TMEM69: variants seen among roughly 807,000 people sequenced by gnomAD.
The protein encoded by TMEM69 is transmembrane protein 69.
In TMEM69, 17 loss-of-function variants were observed where a neutral mutation model predicts 15.8. The ratio of observed to expected loss-of-function variants is 1.07; its 90% CI spans 0.73 to 1.61. TMEM69 has a LOEUF of 1.61. Ranked by LOEUF, TMEM69 falls within the 40% of genes most tolerant of loss-of-function variation. The probability of loss-of-function intolerance (pLI) is 0.00; values close to 1 mark genes in which losing one functional copy is unlikely to be tolerated. For synonymous variants in TMEM69, 80 were observed against 98.6 expected (o/e 0.81, Z 1.12); for missense variants, 230 against 286.1 (o/e 0.80, Z 1.41).
intron 1 of TMEM69, among the ~76,000 whole-genome samples, chr1:45,689,243 T>G (rs918612014): frequency 1.3e-5 from 2 of 152,034 alleles, no homozygotes; most frequent in African/African-American, 4.8e-5. Context: ...CAACTGTAGG[T>G]TTTTTTAGAC....
intron 2 of TMEM69, 64 bp from the exon 3 acceptor site, chr1:45,693,140 A>G (rs1645355689): frequency 1.6e-6 from 2 of 1,239,560 alleles, no homozygotes; most frequent in Non-Finnish European, 1.1e-6. Flanking sequence ...ACTGGGATTG[A>G]CTAAAATCTG....
At position 45,693,927 on chromosome 1, in the gene TMEM69, T is replaced by C; in HGVS notation, c.*22T>C. The C allele has an allele frequency of 6.7e-7, 1 of 1,495,258 alleles. No individual in the cohort carries two copies. The highest frequency in any genetic ancestry group is 9.0e-7 in the Non-Finnish European group (1 of 1,107,196). The allele number at this position is 1,495,258 out of a possible 1,614,324, so 92.6% of individuals were successfully genotyped here. A position where few individuals can be genotyped will look rare whatever the true frequency, so the allele number is the denominator to read the frequency against. Reference sequence around the variant, plus strand: ...ATAAAAAATATAAAAGTCTGGGAAGTGAGGAGCACCTCTGCCCAGCTGCTG... The same window carrying C: ...ATAAAAAATATAAAAGTCTGGGAAGCGAGGAGCACCTCTGCCCAGCTGCTG... On this transcript the variant is annotated 3_prime_UTR_variant, in exon 3 of 3. Coordinates refer to ENST00000372025, the MANE Select transcript of TMEM69 (RefSeq NM_016486.4).
At position 45,693,495 on chromosome 1, in the gene TMEM69, C is replaced by T. The variant is rs545871679; in HGVS notation, c.334C>T (p.Pro112Ser). 6.2e-7 allele frequency: 1 copy of T among 1,614,104 alleles called. No individual in the cohort carries two copies. The highest frequency in any genetic ancestry group is 8.5e-7 in the Non-Finnish European group (1 of 1,180,054). Residue 112 changes from proline (P) to serine (S), a missense_variant, in exon 3 of 3, where the codon CCA becomes TCA. Pro to Ser is a moderately conservative substitution (Grantham distance 74). Coordinates refer to ENST00000372025, the MANE Select transcript of TMEM69 (RefSeq NM_016486.4). ...AGGACTAATCCCCTTCGTTGCTCCA[C>T]CACTGGTCATGCTGATGACAAAAAC... ...LAGLIPFVAP[P>S]LVMLMTKTYI...
chr1:45,692,466 A>G (rs756150002), intron 2 of TMEM69, among the ~76,000 whole-genome samples: 1 of 152,230 alleles, frequency 6.6e-6, no homozygotes, highest in Non-Finnish European at 1.5e-5. Context: ...CCCGTGTACA[A>G]TGAAAGGCAG....
intron 2 of TMEM69, 52 bp downstream of exon 2, chr1:45,691,162 C>G (rs770813752): frequency 6.5e-7 from 1 of 1,546,120 alleles, no homozygotes; most frequent in East Asian, 2.3e-5. Flanking sequence ...ATTGCTTGGG[C>G]TAGGTCAGTA....
In TMEM69 at chr1:45,690,956, AC is replaced by A. The variant is rs1464625656; in HGVS notation, c.-95-16del. On this transcript the variant is annotated splice_polypyrimidine_tract_variant and intron_variant, in intron 1 of 2. Transcript: ENST00000372025. ...TATAAAATGAGGAAAATTAAGTGAC[AC>A]CTTGTGTTATACACAGAAACATGCC... 1 of 1,088,942 alleles carries A rather than the reference AC, an allele frequency of 9.2e-7. No homozygotes were observed. The highest frequency in any genetic ancestry group is 1.4e-6 in the Non-Finnish European group (1 of 724,674). 67.5% of individuals were successfully genotyped at this position (1,088,942 alleles called of 1,614,324 possible). A position where few individuals can be genotyped will look rare whatever the true frequency, so the allele number is the denominator to read the frequency against.
intron 1 of TMEM69, among the ~76,000 whole-genome samples, chr1:45,689,124 G>A (rs192471266): frequency 6.6e-6 from 1 of 151,898 alleles, no homozygotes; most frequent in Non-Finnish European, 1.5e-5. Context: ...TGGCCAGGCT[G>A]GTCTCGAACT....
At chr1:45,692,298 A>G (rs1312206651) in intron 2 of TMEM69, among the ~76,000 whole-genome samples, 2 of 152,232 alleles carry the variant, frequency 1.3e-5, no homozygotes, top group Non-Finnish European at 2.9e-5. Context: ...AGCAGTAAAT[A>G]TGGAAACAGG....
At chr1:45,692,809 C>T (rs1480702403) in intron 2 of TMEM69, among the ~76,000 whole-genome samples, 4 of 152,218 alleles carry the variant, frequency 2.6e-5, no homozygotes, top group Non-Finnish European at 5.9e-5. Flanking sequence ...ATAAAAACAG[C>T]ATTCCCACGG....
rs1393467888 is a variant in TMEM69 at position 45,693,972 on chromosome 1, A to AG, written c.*68dup. The AG allele has an allele frequency of 8.8e-7, 1 of 1,130,464 alleles. No homozygotes were observed. The highest frequency in any genetic ancestry group is 1.2e-6 in the Non-Finnish European group (1 of 814,034). 70.0% of individuals were successfully genotyped at this position (1,130,464 alleles called of 1,614,324 possible). On this transcript the variant is annotated 3_prime_UTR_variant, in exon 3 of 3. Transcript: ENST00000372025. ...CTGCTGCCCCGTCTGGGAAGTGAGG[A>AG]GCGCCTCTGCCTGGCCGCCTGACCA...
At chr1:45,689,531 C>A (rs1161249906) in intron 1 of TMEM69, among the ~76,000 whole-genome samples, 1 of 152,024 alleles carries the variant, frequency 6.6e-6, no homozygotes, top group Admixed American at 6.5e-5. Context: ...TATGGCAAAA[C>A]CCCTTCTATA....
chr1:45,688,620 A>T (rs1419275329), intron 1 of TMEM69, among the ~76,000 whole-genome samples: 1 of 152,136 alleles, frequency 6.6e-6, no homozygotes, highest in Non-Finnish European at 1.5e-5. Flanking sequence ...CACAGAGGAA[A>T]GGGAGTTTCC....
Position 45,694,191 on chromosome 1 carries a change from CT to C in TMEM69, c.*291del. On this transcript the variant is annotated 3_prime_UTR_variant, in exon 3 of 3. Coordinates refer to ENST00000372025, the MANE Select transcript of TMEM69 (RefSeq NM_016486.4). Reference sequence around the variant, plus strand: ...GATAACATTTGTATGCCAGCTACACCTTTTTCTACTTCTGTTTGGCTTTTTT... The same window carrying C: ...GATAACATTTGTATGCCAGCTACACCTTTTCTACTTCTGTTTGGCTTTTTT... 2.0e-5 allele frequency: 10 copies of C among 491,182 alleles called. No individual in the cohort carries two copies. The highest frequency in any genetic ancestry group is 2.9e-5 in the Non-Finnish European group (8 of 279,360). The allele number at this position is 491,182 out of a possible 1,614,324, so 30.4% of individuals were successfully genotyped here.
intron 1 of TMEM69, among the ~76,000 whole-genome samples, chr1:45,688,529 G>A (rs1053112197): frequency 2.0e-5 from 3 of 152,124 alleles, no homozygotes; most frequent in African/African-American, 7.2e-5. Flanking sequence ...TTGAGTCTCA[G>A]TCCTTAATCC....
At position 45,693,345 on chromosome 1, in the gene TMEM69, C is replaced by T; in HGVS notation, c.184C>T (p.Gln62Ter). 6.2e-7 allele frequency: 1 copy of T among 1,614,160 alleles called. No homozygotes were observed. The highest frequency in any genetic ancestry group is 8.5e-7 in the Non-Finnish European group (1 of 1,180,034). ...SSFPAYMSKT[Q>*]CYHTSPCSFK... ...ATTTCCAGCGTATATGAGCAAGACACAGTGCTATCATACATCCCCCTGCAG... is the reference window on the plus strand; with the variant it reads ...ATTTCCAGCGTATATGAGCAAGACATAGTGCTATCATACATCCCCCTGCAG... Residue 62 changes from glutamine (Q) to a stop codon, truncating the protein, a stop_gained, in exon 3 of 3, where the codon CAG becomes TAG. Transcript: ENST00000372025. LOFTEE classifies it high-confidence loss of function.
At chr1:45,693,132 T>A in intron 2 of TMEM69, 72 bp from the exon 3 acceptor site, 2 of 1,130,602 alleles carry the variant, frequency 1.8e-6, no homozygotes, top group Non-Finnish European at 2.5e-6. Context: ...TATTTCATAC[T>A]GGGATTGACT....
At position 45,693,755 on chromosome 1, in the gene TMEM69, C is replaced by T; in HGVS notation, c.594C>T (p.His198=). The change falls in exon 3 of 3, where the codon CAC becomes CAT. Residue 198 remains histidine (H), a synonymous_variant. Transcript: ENST00000372025. ...TAATGGGTATGGGAGTAGCATTCCA[C>T]CTTGAACTTTTTCTCTTACCACATT... The part of the protein sequence containing the change: ...TVIMGMGVAF[H]LELFLLPHYP... 1 of 1,614,188 alleles carries T rather than the reference C, an allele frequency of 6.2e-7. No individual in the cohort carries two copies. The highest frequency in any genetic ancestry group is 8.5e-7 in the Non-Finnish European group (1 of 1,180,046).
In TMEM69 at chr1:45,693,861, A is replaced by T. The variant is rs1416184001; in HGVS notation, c.700A>T (p.Ser234Cys). ...FSFIITLVVK[S>C]SFPEKGHKRP... ...ATTTATAATCACTTTAGTAGTTAAA[A>T]GTAGTTTTCCAGAAAAAGGACATAA... The change falls in exon 3 of 3, where the codon AGT (serine) becomes TGT (cysteine). Residue 234 changes from serine to cysteine, a missense_variant. By Grantham distance (112) the Ser-to-Cys change is moderately radical. Transcript: ENST00000372025. The T allele has an allele frequency of 7.4e-6, 12 of 1,611,724 alleles. No homozygotes were observed. Among genetic ancestry groups the T allele is most frequent in the Non-Finnish European group, 1.0e-5 (12 of 1,179,574 alleles).
rs182542658 is a variant in TMEM69 at position 45,693,289 on chromosome 1, C to A, written c.128C>A (p.Ser43Tyr). Residue 43 changes from serine (S) to tyrosine (Y), a missense_variant, in exon 3 of 3, where the codon TCC (serine) becomes TAC (tyrosine). Ser to Tyr is a moderately radical substitution (Grantham distance 144, BLOSUM62 -2). Transcript: ENST00000372025. ...AAGATGTCTCTCCAGCAAAACTTTT[C>A]CCCATGTCCAAGGCCTTGGCTTTCC... ...SLKMSLQQNF[S>Y]PCPRPWLSSS... 2 of 1,614,178 alleles carry A rather than the reference C, an allele frequency of 1.2e-6. No homozygotes were observed. The highest frequency in any genetic ancestry group is 2.7e-5 in the African/African-American group (2 of 75,054).
Sources: allele counts gnomAD v4.1 joint callset (sites outside exome capture counted in the v4.1 genomes callset), GRCh38; gene constraint gnomAD v4.1.1; transcripts MANE v1.5; gene names NCBI Gene and HGNC (gene_info 2026-07-23, HGNC 2026-07-21).